Variants in RNF38 observed in about 807,000 individuals in gnomAD.
RNF38 encodes the protein ring finger protein 38.
RNF38 carries 15 observed loss-of-function variants against 67.2 expected under a neutral mutation model. The observed-to-expected ratio is 0.22, with a 90% CI of 0.15 to 0.34. RNF38 has a LOEUF of 0.34. Ranked by LOEUF, RNF38 falls within the 10% of genes least tolerant of loss-of-function variation. The probability of loss-of-function intolerance (pLI) is 1.00; values close to 1 mark genes in which losing one functional copy is unlikely to be tolerated. For synonymous variants in RNF38, 220 were observed against 218.8 expected (o/e 1.01, Z -0.05); for missense variants, 524 against 639.9 (o/e 0.82, Z 1.95).
chr9:36,400,785 A>G (rs907632034), upstream of RNF38: 29 of 985,358 alleles, frequency 2.9e-5, no homozygotes, highest in Non-Finnish European at 8.4e-6. Flanking sequence ...CCCAGAGATG[A>G]CAGAGTCGCC....
At position 36,366,742 on chromosome 9, in the gene RNF38, A is replaced by C. The variant is rs552730835; in HGVS notation, c.570+2977T>G. Among the ~76,000 whole-genome samples the C allele has an allele frequency of 2.0e-5, 3 of 152,334 alleles. No individual in the cohort carries two copies. In the South Asian group the frequency reaches 6.2e-4, roughly 32 times the overall value. On this transcript the variant is annotated intron_variant, in intron 4 of 11. Transcript: ENST00000259605. The stretch of plus-strand genomic sequence containing the variant: ...GGAAAGTGTTCAAAGTTTCACCTTT[A>C]AGCATGTTTGAAGTAGGTGAATTCA...
chr9:36,367,289 C>T (rs971187485), intron 4 of RNF38, among the ~76,000 whole-genome samples: 21 of 152,224 alleles, frequency 1.4e-4, no homozygotes, highest in African/African-American at 3.9e-4. Flanking sequence ...TTATCTAGCA[C>T]GCTCGGTTGT....
chr9:36,474,000 A>T (rs1007187093), intron 1 of RNF38, among the ~76,000 whole-genome samples: 8 of 134,458 alleles, frequency 5.9e-5, no homozygotes, highest in African/African-American at 2.3e-4. Context: ...AAAAAAAAAA[A>T]AAAAACCCTC....
At position 36,423,673 on chromosome 9, in the gene RNF38, GGC is replaced by G. The variant is rs1206014990; in HGVS notation, n.312+938_312+939del. On this transcript the variant is annotated intron_variant and non_coding_transcript_variant, in intron 2 of 3. Coordinates refer to the RNF38 transcript ENST00000488058. Reference sequence around the variant, plus strand: ...GATGAGTATTGAAAAGCCCCGGCCGGGCGCGGTGGCTCACGCCTGTAATCCCA... The same window carrying G: ...GATGAGTATTGAAAAGCCCCGGCCGGGCGGTGGCTCACGCCTGTAATCCCA... 3.2e-5 allele frequency among the ~76,000 whole-genome samples: 3 copies of G among 94,844 alleles called. No individual in the cohort carries two copies. The East Asian group carries it at 7.5e-4, about 24-fold the overall frequency. 62.2% of individuals were successfully genotyped at this position (94,844 alleles called of 152,430 possible). A position where few individuals can be genotyped will look rare whatever the true frequency, so the allele number is the denominator to read the frequency against.
intron 1 of RNF38, among the ~76,000 whole-genome samples, chr9:36,429,666 C>T (rs1334567044): frequency 1.3e-5 from 2 of 152,094 alleles, no homozygotes; most frequent in Non-Finnish European, 2.9e-5. Flanking sequence ...TGGTGGCGGG[C>T]ACCTGTAATC....
At chr9:36,340,624 T>G (rs892123516) in intron 11 of RNF38, among the ~76,000 whole-genome samples, 5 of 152,204 alleles carry the variant, frequency 3.3e-5, no homozygotes, top group African/African-American at 4.8e-5. Flanking sequence ...CTCCTGCCTT[T>G]GCCTCCCAAA....
intron 1 of RNF38, among the ~76,000 whole-genome samples, chr9:36,433,715 TA>T (rs1838990581): frequency 1.4e-5 from 2 of 145,996 alleles, no homozygotes; most frequent in African/African-American, 5.0e-5. Context: ...AAAGAAAATA[TA>T]AATGACTTTG....
intron 1 of RNF38, among the ~76,000 whole-genome samples, chr9:36,431,851 C>A (rs1838940785): frequency 6.6e-6 from 1 of 152,028 alleles, no homozygotes; most frequent in African/African-American, 2.4e-5. Flanking sequence ...ACCACCAGCC[C>A]TCATCTAGAA....
In RNF38 at chr9:36,337,679, A is replaced by G. The variant is rs1832551753; in HGVS notation, c.*2073T>C. ...TTTTCATTAAAAAAGATTAAACTAT[A>G]TGTGATTTGTATGTAGCTGATTATT... On this transcript the variant is annotated 3_prime_UTR_variant, in exon 12 of 12. Transcript: ENST00000259605. 6.6e-6 allele frequency: 1 copy of G among 152,560 alleles called. No individual in the cohort carries two copies. Among genetic ancestry groups the G allele is most frequent in the Admixed American group, 6.5e-5 (1 of 15,272 alleles). The allele number at this position is 152,560 out of a possible 1,614,324, so 9.5% of individuals were successfully genotyped here. A position where few individuals can be genotyped will look rare whatever the true frequency, so the allele number is the denominator to read the frequency against.
intron 2 of RNF38, among the ~76,000 whole-genome samples, chr9:36,408,430 AGCAGTACGCCAAGCATCAG>A (rs1394646653): frequency 6.6e-6 from 1 of 152,210 alleles, no homozygotes; most frequent in Non-Finnish European, 1.5e-5. Flanking sequence ...CCCTATGGAC[AGCAGTACGCCAAGCATCAG>A]GAAGAGAGAA....
intron 1 of RNF38, among the ~76,000 whole-genome samples, chr9:36,396,168 G>T (rs745689837): frequency 2.6e-5 from 4 of 152,198 alleles, no homozygotes. Flanking sequence ...TTTATTAAAA[G>T]AATAATCTTC....
At chr9:36,476,675 C>T (rs1449480781) in intron 1 of RNF38, among the ~76,000 whole-genome samples, 1 of 151,904 alleles carries the variant, frequency 6.6e-6, no homozygotes, top group Admixed American at 6.6e-5. Context: ...AGGCGCCCAC[C>T]ACCATGCCCG....
In RNF38 at chr9:36,452,092, G is replaced by A. The variant is rs147372773; in HGVS notation, n.242-27409C>T. On this transcript the variant is annotated intron_variant and non_coding_transcript_variant, in intron 1 of 3. Transcript: ENST00000488058. ...AAAAAAAATAGACACACACGATGCCGTGTGCCTACAGTTCTAGCTACTCAG... is the reference window on the plus strand; with the variant it reads ...AAAAAAAATAGACACACACGATGCCATGTGCCTACAGTTCTAGCTACTCAG... 3.1e-3 allele frequency among the ~76,000 whole-genome samples: 477 copies of A among 152,028 alleles called. 4 individuals are homozygous for A. The highest frequency in any genetic ancestry group is 0.011 in the African/African-American group (441 of 41,474).
At chr9:36,356,707 G>A (rs900863767) in intron 5 of RNF38, among the ~76,000 whole-genome samples, 6 of 138,982 alleles carry the variant, frequency 4.3e-5, no homozygotes, top group African/African-American at 1.6e-4. Context: ...TGAAATCCTT[G>A]AGCCTTTTAA....
chr9:36,436,177 T>C (rs1045359075), intron 1 of RNF38, among the ~76,000 whole-genome samples: 1 of 152,164 alleles, frequency 6.6e-6, no homozygotes, highest in African/African-American at 2.4e-5. Context: ...TAGGCTTTTA[T>C]CAAAATTAAG....
intron 1 of RNF38, among the ~76,000 whole-genome samples, chr9:36,449,569 A>C (rs976512977): frequency 1.3e-5 from 2 of 152,092 alleles, no homozygotes; most frequent in Admixed American, 6.5e-5. Flanking sequence ...CCAAGTAGAT[A>C]GGACTACAGG....
intron 2 of RNF38, among the ~76,000 whole-genome samples, chr9:36,415,166 TCAA>T (rs1485689180): frequency 1.3e-5 from 2 of 152,204 alleles, no homozygotes; most frequent in Non-Finnish European, 2.9e-5. Flanking sequence ...CCCTTCTTCC[TCAA>T]CAACACCAAT....
At chr9:36,410,799 C>CCT (rs1372283873) in intron 2 of RNF38, among the ~76,000 whole-genome samples, 1 of 152,082 alleles carries the variant, frequency 6.6e-6, no homozygotes, top group East Asian at 1.9e-4. Context: ...AGCAGTGGAC[C>CCT]CTCTCTTTTA....
chr9:36,437,375 G>A (rs1839094471), intron 1 of RNF38, among the ~76,000 whole-genome samples: 2 of 152,100 alleles, frequency 1.3e-5, no homozygotes, highest in Non-Finnish European at 2.9e-5. Flanking sequence ...TACATAGCTT[G>A]GTCAGTTATA....
Sources: allele counts gnomAD v4.1 joint callset (sites outside exome capture counted in the v4.1 genomes callset), GRCh38; gene constraint gnomAD v4.1.1; transcripts MANE v1.5; gene names NCBI Gene and HGNC (gene_info 2026-07-23, HGNC 2026-07-21).